The following FMN1 variants were observed in gnomAD, a reference collection of about 807,000 sequenced individuals.
The protein encoded by FMN1 is formin 1.
In FMN1, 110 loss-of-function variants were observed where a neutral mutation model predicts 132.4. The ratio of observed to expected loss-of-function variants is 0.83; its 90% CI spans 0.71 to 0.97. The LOEUF (loss-of-function observed/expected upper bound fraction) is 0.97, where lower values mean the gene tolerates loss of function less well. Ranked by LOEUF, FMN1 falls within the 50% of genes least tolerant of loss-of-function variation. The probability of loss-of-function intolerance (pLI) is 0.00; values close to 1 mark genes in which losing one functional copy is unlikely to be tolerated. For synonymous variants in FMN1, 722 were observed against 651.7 expected (o/e 1.11, Z -1.64); for missense variants, 1,792 against 1,705.3 (o/e 1.05, Z -0.90).
In FMN1 at chr15:33,154,531, G is replaced by C. The variant is rs547183683; in HGVS notation, c.384C>G (p.Pro128=). Residue 128 remains proline (P), a synonymous_variant, in exon 4 of 21, where the codon CCC becomes CCG. Transcript: ENST00000616417. ...CAGCACTCTGGAAACAGTCATCCTC[G>C]GGGGCCAGGCTCACGGACAGCTCTT... The part of the protein sequence containing the change: ...KLQELSVSLA[P]EDDCFQSAGD... 3.3e-6 allele frequency: 5 copies of C among 1,536,086 alleles called. No homozygotes were observed. In the Admixed American group the frequency reaches 5.9e-5, roughly 18 times the overall value.
At chr15:33,046,573 T>C (rs1183836131) in intron 6 of FMN1, among the ~76,000 whole-genome samples, 1 of 152,176 alleles carries the variant, frequency 6.6e-6, no homozygotes, top group South Asian at 2.1e-4. Flanking sequence ...GTCAGCAACT[T>C]GCAAAATTGA....
At chr15:32,818,887 G>GA (rs1334216490) in intron 17 of FMN1, among the ~76,000 whole-genome samples, 1 of 149,900 alleles carries the variant, frequency 6.7e-6, no homozygotes, top group Non-Finnish European at 1.5e-5. Flanking sequence ...GCAGGAGCCT[G>GA]AAGCTAATTG....
intron 17 of FMN1, among the ~76,000 whole-genome samples, chr15:32,824,341 C>T (rs577699000): frequency 6.6e-6 from 1 of 152,296 alleles, no homozygotes; most frequent in Non-Finnish European, 1.5e-5. Context: ...GCTTACCTCA[C>T]AGAGTGGATA....
intron 4 of FMN1, chr15:33,149,716 T>A: frequency 1.1e-6 from 1 of 894,400 alleles, no homozygotes; most frequent in Non-Finnish European, 1.3e-6. Context: ...TTTTAGATAA[T>A]TTTCTTTGTA....
At chr15:32,877,593 T>C (rs1160428010) in intron 16 of FMN1, among the ~76,000 whole-genome samples, 2 of 152,172 alleles carry the variant, frequency 1.3e-5, no homozygotes, top group East Asian at 3.8e-4. Context: ...GGAGTTGGAA[T>C]ATACCTTCAA....
chr15:33,163,639 C>A (rs570383998), intron 3 of FMN1, among the ~76,000 whole-genome samples: 1 of 116,722 alleles, frequency 8.6e-6, no homozygotes, highest in African/African-American at 3.8e-5. Flanking sequence ...GTTTTTGAGA[C>A]GGAGTTTCAC....
At chr15:32,839,055 G>A (rs1197053966) in intron 17 of FMN1, among the ~76,000 whole-genome samples, 1 of 152,044 alleles carries the variant, frequency 6.6e-6, no homozygotes, top group East Asian at 1.9e-4. Context: ...CCCTTGAAAC[G>A]GGACCAAACT....
intron 15 of FMN1, among the ~76,000 whole-genome samples, chr15:32,895,540 G>A (rs559040376): frequency 1.3e-5 from 2 of 152,060 alleles, no homozygotes; most frequent in African/African-American, 2.4e-5. Flanking sequence ...GTGAATCAAC[G>A]GCAGGCTAAA....
chr15:32,793,126 G>T (rs1179148595), intron 19 of FMN1, among the ~76,000 whole-genome samples: 1 of 152,096 alleles, frequency 6.6e-6, no homozygotes, highest in Non-Finnish European at 1.5e-5. Flanking sequence ...GGGCCAAGAG[G>T]TGTGTATAGT....
chr15:33,007,982 A>G (rs1207244532), intron 7 of FMN1, 32 bp downstream of exon 7: 2 of 1,563,310 alleles, frequency 1.3e-6, no homozygotes, highest in Non-Finnish European at 1.7e-6. Context: ...TCAGTTCTAT[A>G]GAACCCGTTC....
chr15:33,041,550 T>C (rs2036441437), intron 6 of FMN1, among the ~76,000 whole-genome samples: 1 of 149,406 alleles, frequency 6.7e-6, no homozygotes, highest in Admixed American at 6.7e-5. Context: ...GATTAAAAAA[T>C]AGGCAAAGGA....
chr15:33,080,983 A>T (rs908601841), intron 5 of FMN1, among the ~76,000 whole-genome samples: 31 of 152,110 alleles, frequency 2.0e-4, no homozygotes, highest in African/African-American at 7.5e-4. Context: ...GCTGCAGTTG[A>T]GCCCAAGATG....
chr15:32,924,795 T>A (rs557703124), intron 10 of FMN1, among the ~76,000 whole-genome samples: 75 of 152,272 alleles, frequency 4.9e-4, no homozygotes, highest in African/African-American at 1.7e-3. Flanking sequence ...ATGCCTGTAA[T>A]CCCAGGTACT....
At chr15:33,097,673 A>G (rs1369119535) in intron 4 of FMN1, among the ~76,000 whole-genome samples, 1 of 152,192 alleles carries the variant, frequency 6.6e-6, no homozygotes, top group Non-Finnish European at 1.5e-5. Context: ...GAACTTCCAT[A>G]ATGATAAAAG....
At chr15:33,173,587 G>A (rs976294056) in intron 3 of FMN1, among the ~76,000 whole-genome samples, 5 of 152,246 alleles carry the variant, frequency 3.3e-5, no homozygotes, top group African/African-American at 1.2e-4. Flanking sequence ...CTGTGAGGAG[G>A]AGGATAGAGG....
rs2056177978 is a variant in FMN1, at chr15:32,770,059, C to G, written c.*4251G>C. ...ATCAGATATGTGGGAGGGGGGAAGGCTATATATTTTTGGACTTCTTCCTTT... is the reference window on the plus strand; with the variant it reads ...ATCAGATATGTGGGAGGGGGGAAGGGTATATATTTTTGGACTTCTTCCTTT... On this transcript the variant is annotated 3_prime_UTR_variant, in exon 21 of 21. Coordinates refer to ENST00000616417, the MANE Select transcript of FMN1 (RefSeq NM_001277313.2). The G allele has an allele frequency of 6.6e-6, 1 of 152,052 alleles. No individual in the cohort carries two copies. The highest frequency in any genetic ancestry group is 1.5e-5 in the Non-Finnish European group (1 of 67,996). The allele number at this position is 152,052 out of a possible 1,614,324, so 9.4% of individuals were successfully genotyped here.
intron 17 of FMN1, among the ~76,000 whole-genome samples, chr15:32,818,802 G>C (rs1486436531): frequency 6.6e-6 from 1 of 152,030 alleles, no homozygotes; most frequent in African/African-American, 2.4e-5. Context: ...GTAGGAAACA[G>C]ATCTCCCTCG....
At chr15:33,146,662 A>T (rs1296326588) in intron 4 of FMN1, among the ~76,000 whole-genome samples, 1 of 152,144 alleles carries the variant, frequency 6.6e-6, no homozygotes, top group Non-Finnish European at 1.5e-5. Context: ...GGATGGTATG[A>T]CCTAATATCA....
intron 5 of FMN1, among the ~76,000 whole-genome samples, chr15:33,086,236 G>C (rs1157853597): frequency 6.9e-6 from 1 of 145,834 alleles, no homozygotes; most frequent in Non-Finnish European, 1.5e-5. Context: ...GAGCGACAGA[G>C]CAAGACTCCA....
Sources: gnomAD v4.1 joint callset for allele counts (sites outside exome capture counted in the v4.1 genomes callset) on GRCh38, gnomAD v4.1.1 for gene constraint, MANE v1.5 for transcripts, NCBI Gene and HGNC (gene_info 2026-07-23, HGNC 2026-07-21) for gene names.